The following BCO1 variants were observed in gnomAD, a reference collection of about 807,000 sequenced individuals.
The protein encoded by BCO1 is beta-carotene oxygenase 1, also known as beta,beta-carotene 15,15'-dioxygenase.
Under a neutral mutation model 56.3 loss-of-function variants are expected in BCO1, and 54 were observed. The ratio of observed to expected loss-of-function variants is 0.96; its 90% CI spans 0.77 to 1.20. The LOEUF (loss-of-function observed/expected upper bound fraction) is 1.20. Ranked by LOEUF, BCO1 falls within the 50% of genes most tolerant of loss-of-function variation. The probability of loss-of-function intolerance (pLI) is 0.00; values close to 1 mark genes in which losing one functional copy is unlikely to be tolerated. For synonymous variants in BCO1, 318 were observed against 266.1 expected, an observed-to-expected ratio of 1.20 and a Z score of -1.90; for missense variants, 801 against 690.9, an observed-to-expected ratio of 1.16 and a Z score of -1.79.
chr16:81,288,810 C>A (rs1030666113), intron 10 of BCO1, among the ~76,000 whole-genome samples: 1 of 152,212 alleles, frequency 6.6e-6, no homozygotes, highest in Non-Finnish European at 1.5e-5. Context: ...GGCTGCCACA[C>A]CTGCAAGGAG....
Position 81,262,235 on chromosome 16 carries a change from C to T in BCO1, c.423C>T (p.Thr141=), listed in dbSNP as rs1409943828. Residue 141 remains threonine, a synonymous_variant, in exon 4 of 11, where the codon ACC becomes ACT. Coordinates refer to ENST00000258168, the MANE Select transcript of BCO1 (RefSeq NM_017429.3). ...CGEDFYATSE[T]NYIRKINPQT... is the part of the protein sequence containing the mutation. ...AAGACTTCTACGCGACCTCAGAGACCAATTACATCAGGAAAATCAACCCAC... is the reference window on the plus strand; with the variant it reads ...AAGACTTCTACGCGACCTCAGAGACTAATTACATCAGGAAAATCAACCCAC... 2 of 1,613,654 alleles carry T rather than the reference C, an allele frequency of 1.2e-6. No individual in the cohort carries two copies. Among genetic ancestry groups the T allele is most frequent in the Non-Finnish European group, 1.7e-6 (2 of 1,179,760 alleles).
chr16:81,264,002 T>C (rs960109857), intron 4 of BCO1: 1 of 156,250 alleles, frequency 6.4e-6, no homozygotes, highest in African/African-American at 2.4e-5. Context: ...TGTGTTTTTC[T>C]AGGGGAGGAA....
intron 1 of BCO1, among the ~76,000 whole-genome samples, chr16:81,240,892 T>A (rs1406731402): frequency 2.7e-5 from 4 of 146,576 alleles, no homozygotes; most frequent in African/African-American, 7.5e-5. Context: ...TGGAGTGTAA[T>A]GGCGCGATCT....
At chr16:81,267,622 G>C (rs568665712) in intron 5 of BCO1, among the ~76,000 whole-genome samples, 2 of 152,172 alleles carry the variant, frequency 1.3e-5, no homozygotes, top group South Asian at 4.2e-4. Flanking sequence ...CAGACAAACC[G>C]GTGGAGGCAG....
In BCO1 at chr16:81,270,995, C is replaced by T. The variant is rs1039942743; in HGVS notation, c.1101+579C>T. On this transcript the variant is annotated intron_variant, in intron 7 of 10. Transcript: ENST00000258168. ...TCCCGACCTCGTGATCCACCCGCCT[C>T]GGCCTCCCAAAGTGCTGGGATTACA... Among the ~76,000 whole-genome samples, 6 of 152,158 alleles carry T rather than the reference C, an allele frequency of 3.9e-5. No individual in the cohort carries two copies. In the South Asian group the frequency reaches 6.2e-4, roughly 16 times the overall value.
At chr16:81,269,458 G>C (rs1387588600) in intron 6 of BCO1, among the ~76,000 whole-genome samples, 1 of 151,992 alleles carries the variant, frequency 6.6e-6, no homozygotes, top group Non-Finnish European at 1.5e-5. Context: ...ACAATGCCTA[G>C]TGAATTTATT....
At chr16:81,256,212 C>G (rs537674370) in intron 2 of BCO1, among the ~76,000 whole-genome samples, 3 of 152,182 alleles carry the variant, frequency 2.0e-5, no homozygotes, top group Admixed American at 6.6e-5. Flanking sequence ...CATCAAGTGC[C>G]CAGCACAGTG....
chr16:81,259,718 A>G lies in BCO1; in HGVS notation c.236A>G (p.Tyr79Cys). Residue 79 changes from tyrosine (Y) to cysteine (C), a missense_variant, in exon 3 of 11, where the codon TAC becomes TGC. Tyr to Cys is a radical substitution (Grantham distance 194). Transcript: ENST00000258168. The stretch of plus-strand genomic sequence containing the variant: ...AGCAAATACCTGAGAAGCGATACCT[A>G]CAACACCAATATTGAGGCAAACAGG... ...YRSKYLRSDT[Y>C]NTNIEANRIV... 1 of 1,614,214 alleles carries G rather than the reference A, an allele frequency of 6.2e-7. No homozygotes were observed. Among genetic ancestry groups the G allele is most frequent in the South Asian group, 1.1e-5 (1 of 91,088 alleles).
chr16:81,256,864 G>A (rs1032210656), intron 2 of BCO1, among the ~76,000 whole-genome samples: 2 of 151,922 alleles, frequency 1.3e-5, no homozygotes, highest in Non-Finnish European at 2.9e-5. Flanking sequence ...CTCCAGCCTG[G>A]GCGACAGAGT....
intron 2 of BCO1, among the ~76,000 whole-genome samples, chr16:81,252,368 G>A (rs1905860506): frequency 6.6e-6 from 1 of 152,032 alleles, no homozygotes; most frequent in Non-Finnish European, 1.5e-5. Context: ...CAATTCTCCT[G>A]CCTCAGCCTC....
In BCO1 at chr16:81,241,583, G is replaced by A. The variant is rs139112261; in HGVS notation, c.64+2611G>A. ...CAGACCCACGGGGTCAGACACTTGG[G>A]GGGTGGAGCTCAGCAAGCTGTGTGT... On this transcript the variant is annotated intron_variant, in intron 1 of 10. Coordinates refer to ENST00000258168, the MANE Select transcript of BCO1 (RefSeq NM_017429.3). Among the ~76,000 whole-genome samples, 476 of 152,306 alleles carry A rather than the reference G, an allele frequency of 3.1e-3. 3 individuals are homozygous for A. The highest frequency in any genetic ancestry group is 0.011 in the African/African-American group (452 of 41,570).
chr16:81,257,482 C>G (rs1395384407), intron 2 of BCO1, among the ~76,000 whole-genome samples: 1 of 151,800 alleles, frequency 6.6e-6, no homozygotes, highest in African/African-American at 2.4e-5. Flanking sequence ...CCAGGCTGGT[C>G]TCAAACTCCT....
intron 1 of BCO1, among the ~76,000 whole-genome samples, chr16:81,240,591 G>C (rs185974533): frequency 6.6e-6 from 1 of 151,994 alleles, no homozygotes; most frequent in Non-Finnish European, 1.5e-5. Context: ...TGTAGTCCCA[G>C]CTACTCAGGA....
intron 7 of BCO1, among the ~76,000 whole-genome samples, chr16:81,276,789 A>C (rs1907582144): frequency 6.6e-6 from 1 of 152,154 alleles, no homozygotes; most frequent in African/African-American, 2.4e-5. Flanking sequence ...ATTTAAGGCC[A>C]GGCATGGTGG....
chr16:81,267,854 G>C (rs545026946), intron 5 of BCO1, 54 bp from the exon 6 acceptor site: 10 of 1,510,440 alleles, frequency 6.6e-6, no homozygotes, highest in Non-Finnish European at 7.3e-6. Context: ...GTGTGGTCTT[G>C]GGGGGGCAGC....
chr16:81,253,139 C>G (rs139576550), intron 2 of BCO1, among the ~76,000 whole-genome samples: 207 of 152,006 alleles, frequency 1.4e-3, no homozygotes, highest in African/African-American at 4.9e-3. Flanking sequence ...ATAAAACTGC[C>G]CACCTAGAAG....
At chr16:81,276,402 G>A (rs9927546) in intron 7 of BCO1, among the ~76,000 whole-genome samples, 108,719 of 152,036 alleles carry the variant, frequency 0.72, 39,589 homozygotes, top group East Asian at 0.92. Context: ...GAAGGGCCCA[G>A]CCTTGCTTCC....
At chr16:81,286,036 G>A (rs1170480502) in intron 9 of BCO1, among the ~76,000 whole-genome samples, 1 of 142,182 alleles carries the variant, frequency 7.0e-6, no homozygotes, top group African/African-American at 2.8e-5. Flanking sequence ...GTTTTGTTTT[G>A]TTTTTTCCTT....
chr16:81,256,484 T>C (rs1240058462), intron 2 of BCO1, among the ~76,000 whole-genome samples: 1 of 152,118 alleles, frequency 6.6e-6, no homozygotes, highest in African/African-American at 2.4e-5. Context: ...GAAAATGAAA[T>C]GCGTTCTGTA....
Sources: gnomAD v4.1 joint callset for allele counts (sites outside exome capture counted in the v4.1 genomes callset) on GRCh38, gnomAD v4.1.1 for gene constraint, MANE v1.5 for transcripts, NCBI Gene and HGNC (gene_info 2026-07-23, HGNC 2026-07-21) for gene names.